XYLT1: variants seen among roughly 807,000 people sequenced by gnomAD.
XYLT1 encodes the protein beta-D-xylosyltransferase 1.
Under a neutral mutation model 91.3 loss-of-function variants are expected in XYLT1, and 36 were observed. The observed-to-expected ratio is 0.39, with a 90% CI of 0.30 to 0.52. The LOEUF is 0.52. Among genes scored for constraint, XYLT1 ranks in the 20% least tolerant of loss-of-function variants. The probability of loss-of-function intolerance (pLI) is 0.68; values close to 1 mark genes in which losing one functional copy is unlikely to be tolerated. For synonymous variants in XYLT1, 588 were observed against 532.0 expected (o/e 1.11, Z -1.45); for missense variants, 1,242 against 1,284.5 (o/e 0.97, Z 0.51).
chr16:17,141,986 C>T (rs971274045), intron 6 of XYLT1, among the ~76,000 whole-genome samples: 2 of 152,158 alleles, frequency 1.3e-5, no homozygotes, highest in Admixed American at 6.5e-5. Context: ...TCCCCGCAGC[C>T]TCAAACTCCT....
At chr16:17,356,591 C>A (rs2035298020) in intron 2 of XYLT1, among the ~76,000 whole-genome samples, 1 of 152,024 alleles carries the variant, frequency 6.6e-6, no homozygotes, top group African/African-American at 2.4e-5. Flanking sequence ...AAGGAGAGGG[C>A]AAGGACCCAA....
chr16:17,365,404 TAC>T (rs1311222050), intron 1 of XYLT1, among the ~76,000 whole-genome samples: 1 of 152,128 alleles, frequency 6.6e-6, no homozygotes, highest in Non-Finnish European at 1.5e-5. Flanking sequence ...ATGCCAGTGA[TAC>T]AGAGGTGTCC....
intron 3 of XYLT1, among the ~76,000 whole-genome samples, chr16:17,244,074 C>T (rs112673573): frequency 0.014 from 2,176 of 152,244 alleles, 25 homozygotes; most frequent in South Asian, 0.027. Flanking sequence ...CTAGGCATGT[C>T]CAGACGTCCC....
intron 3 of XYLT1, among the ~76,000 whole-genome samples, chr16:17,230,464 T>G (rs1309174573): frequency 6.6e-6 from 1 of 152,222 alleles, no homozygotes; most frequent in African/African-American, 2.4e-5. Flanking sequence ...AAGCCTTCCG[T>G]GAGCAGTAGA....
chr16:17,208,091 A>G (rs1349693434), intron 3 of XYLT1, among the ~76,000 whole-genome samples: 1 of 151,866 alleles, frequency 6.6e-6, no homozygotes, highest in African/African-American at 2.4e-5. Flanking sequence ...GGCTCAAGGG[A>G]TCCTCACACC....
chr16:17,327,546 T>G (rs2034827179), intron 2 of XYLT1, among the ~76,000 whole-genome samples: 1 of 145,942 alleles, frequency 6.9e-6, no homozygotes, highest in Non-Finnish European at 1.5e-5. Flanking sequence ...GTATTTTTAG[T>G]AGAGACGGAG....
At chr16:17,449,262 G>A (rs2036633431) in intron 1 of XYLT1, among the ~76,000 whole-genome samples, 2 of 152,236 alleles carry the variant, frequency 1.3e-5, no homozygotes, top group South Asian at 4.1e-4. Context: ...GCCCCATCCT[G>A]GGGAAAGGCT....
chr16:17,155,845 A>T (rs1211688958), intron 6 of XYLT1, among the ~76,000 whole-genome samples: 1 of 152,214 alleles, frequency 6.6e-6, no homozygotes, highest in Non-Finnish European at 1.5e-5. Context: ...GTCCCAAGAC[A>T]TCTGGGTACC....
At chr16:17,176,498 T>A (rs773729887) in intron 5 of XYLT1, among the ~76,000 whole-genome samples, 10 of 152,208 alleles carry the variant, frequency 6.6e-5, no homozygotes, top group Non-Finnish European at 1.2e-4. Context: ...GAACTCAGGC[T>A]CTGCTGCCTC....
chr16:17,334,660 A>G (rs1167045683), intron 2 of XYLT1, among the ~76,000 whole-genome samples: 1 of 152,202 alleles, frequency 6.6e-6, no homozygotes, highest in Non-Finnish European at 1.5e-5. Flanking sequence ...AGTGAGAAGT[A>G]CACATTTAAA....
chr16:17,272,060 G>C (rs78409338), intron 2 of XYLT1, among the ~76,000 whole-genome samples: 3,310 of 152,042 alleles, frequency 0.022, 119 homozygotes, highest in African/African-American at 0.075. Context: ...TCCCGCTAGG[G>C]AAGGATGACA....
chr16:17,295,322 T>C (rs919175968), intron 2 of XYLT1, among the ~76,000 whole-genome samples: 16 of 134,496 alleles, frequency 1.2e-4, no homozygotes, highest in East Asian at 2.0e-4. Flanking sequence ...TAAAGCATTA[T>C]AGAGCCAGGT....
intron 1 of XYLT1, among the ~76,000 whole-genome samples, chr16:17,411,153 C>T (rs2036102353): frequency 6.6e-6 from 1 of 152,220 alleles, no homozygotes; most frequent in Non-Finnish European, 1.5e-5. Flanking sequence ...TTATTCATAA[C>T]AGCACCCACC....
intron 3 of XYLT1, among the ~76,000 whole-genome samples, chr16:17,203,755 C>G (rs140287537): frequency 6.6e-6 from 1 of 152,366 alleles, no homozygotes; most frequent in Non-Finnish European, 1.5e-5. Context: ...TCCAAGCATA[C>G]AGCAAACCCT....
At chr16:17,140,215 T>G (rs2030922931) in intron 7 of XYLT1, among the ~76,000 whole-genome samples, 1 of 152,156 alleles carries the variant, frequency 6.6e-6, no homozygotes, top group Non-Finnish European at 1.5e-5. Context: ...GCTAGGACTG[T>G]TTTAGAATAC....
chr16:17,141,639 C>T (rs967000994), intron 6 of XYLT1, among the ~76,000 whole-genome samples: 1 of 152,114 alleles, frequency 6.6e-6, no homozygotes, highest in Non-Finnish European at 1.5e-5. Context: ...AGGGGACTTA[C>T]CCAGCACAGT....
chr16:17,409,727 T>C (rs905817555), intron 1 of XYLT1, among the ~76,000 whole-genome samples: 7 of 151,862 alleles, frequency 4.6e-5, no homozygotes, highest in Non-Finnish European at 7.4e-5. Flanking sequence ...TTTTTGTATG[T>C]TTAGTAGAGA....
intron 3 of XYLT1, among the ~76,000 whole-genome samples, chr16:17,243,814 G>A (rs10163433): frequency 1.3e-5 from 2 of 152,006 alleles, no homozygotes; most frequent in African/African-American, 4.8e-5. Context: ...AGGGGTGAGG[G>A]GGAGGCTTTT....
intron 3 of XYLT1, among the ~76,000 whole-genome samples, chr16:17,216,549 A>G (rs2032864046): frequency 6.6e-6 from 1 of 151,648 alleles, no homozygotes; most frequent in South Asian, 2.1e-4. Flanking sequence ...TGTCACATTA[A>G]TGCTGTCACG....
Sources: allele counts gnomAD v4.1 joint callset (sites outside exome capture counted in the v4.1 genomes callset), GRCh38; gene constraint gnomAD v4.1.1; transcripts MANE v1.5; gene names NCBI Gene and HGNC (gene_info 2026-07-23, HGNC 2026-07-21).